The following GAS7 variants were observed in gnomAD, a reference collection of about 807,000 sequenced individuals.
The protein encoded by GAS7 is growth arrest-specific protein 7.
Under a neutral mutation model 71.1 loss-of-function variants are expected in GAS7, and 28 were observed. The ratio of observed to expected loss-of-function variants is 0.39; its 90% confidence interval spans 0.29 to 0.54. The LOEUF is 0.54. Among genes scored for constraint, GAS7 ranks in the 20% least tolerant of loss-of-function variants. The pLI, the probability that GAS7 is intolerant of heterozygous loss-of-function variation, is 0.62. For synonymous variants in GAS7, 258 were observed against 245.8 expected, an observed-to-expected ratio of 1.05 and a Z score of -0.46; for missense variants, 436 against 627.8, an observed-to-expected ratio of 0.69 and a Z score of 3.27.
chr17:10,127,262 T>G (rs2073958734), intron 1 of GAS7, among the ~76,000 whole-genome samples: 1 of 152,124 alleles, frequency 6.6e-6, no homozygotes, highest in African/African-American at 2.4e-5. Flanking sequence ...GAGCCCCTCC[T>G]CAGATGCAGC....
chr17:10,078,421 G>C (rs555351323), intron 1 of GAS7, among the ~76,000 whole-genome samples: 12 of 152,280 alleles, frequency 7.9e-5, no homozygotes, highest in East Asian at 1.9e-4. Flanking sequence ...CTAGTGAAGA[G>C]AGAAGAATTG....
chr17:10,089,354 CT>C (rs1451919148), intron 1 of GAS7, among the ~76,000 whole-genome samples: 6 of 152,090 alleles, frequency 3.9e-5, no homozygotes, highest in African/African-American at 1.4e-4. Flanking sequence ...GCCCGCAAAT[CT>C]GGCATGGAGC....
intron 6 of GAS7, among the ~76,000 whole-genome samples, chr17:9,944,720 G>A (rs1479828544): frequency 6.6e-6 from 1 of 152,134 alleles, no homozygotes; most frequent in Non-Finnish European, 1.5e-5. Flanking sequence ...GTCACAGTCG[G>A]GCTGTTCTTG....
Position 9,911,686 on chromosome 17 carries a change from A to C in GAS7, c.*5542T>G, listed in dbSNP as rs150357823. On this transcript the variant is annotated 3_prime_UTR_variant, in exon 14 of 14. Coordinates refer to ENST00000432992, the MANE Select transcript of GAS7 (RefSeq NM_201433.2). This position sits in a 1 kb window ranked among gnomAD's most constrained non-coding sequence, Gnocchi z 4.0. ...GGGGGAGACAAGAGTCCTCCCCGGCAAATTTCAACCCAGCAGAGTCCTGGC... is the reference window on the plus strand; with the variant it reads ...GGGGGAGACAAGAGTCCTCCCCGGCCAATTTCAACCCAGCAGAGTCCTGGC... 273 of 232,740 alleles carry C rather than the reference A, an allele frequency of 1.2e-3. No individual in the cohort carries two copies. Among genetic ancestry groups the C allele is most frequent in the Non-Finnish European group, 1.9e-3 (225 of 117,696 alleles). The allele number at this position is 232,740 out of a possible 1,614,324, so 14.4% of individuals were successfully genotyped here.
chr17:10,064,238 G>C (rs568247217), intron 1 of GAS7, among the ~76,000 whole-genome samples: 28 of 152,260 alleles, frequency 1.8e-4, no homozygotes, highest in Non-Finnish European at 2.9e-4. Context: ...CTTTTCACAC[G>C]TGGGAGTCTC....
chr17:10,084,100 G>T (rs2073487992), intron 1 of GAS7, among the ~76,000 whole-genome samples: 1 of 152,256 alleles, frequency 6.6e-6, no homozygotes, highest in East Asian at 1.9e-4. Context: ...CCTGGGTGGT[G>T]GAATTTGCAG....
chr17:9,990,303 C>T (rs180949241), intron 2 of GAS7, among the ~76,000 whole-genome samples: 60 of 152,254 alleles, frequency 3.9e-4, no homozygotes, highest in African/African-American at 1.4e-3. Flanking sequence ...GCTCGCCCTA[C>T]GGATGCTGGC....
intron 1 of GAS7, among the ~76,000 whole-genome samples, chr17:10,047,394 C>A (rs1567567733): frequency 6.6e-6 from 1 of 152,176 alleles, no homozygotes; most frequent in Non-Finnish European, 1.5e-5. Context: ...ACCCTACAGG[C>A]AGGTAGCTGT....
chr17:9,932,610 G>A (rs1009978637), intron 9 of GAS7, among the ~76,000 whole-genome samples: 31 of 152,132 alleles, frequency 2.0e-4, no homozygotes, highest in African/African-American at 7.0e-4. Flanking sequence ...GCTGAGAGTC[G>A]GAGAGAAAAC....
intron 1 of GAS7, among the ~76,000 whole-genome samples, chr17:10,126,320 ACACACACACGCT>A (rs1464181801): frequency 1.6e-5 from 2 of 125,832 alleles, no homozygotes; most frequent in Non-Finnish European, 3.6e-5. Flanking sequence ...TGTGCATGCC[ACACACACACGCT>A]CACACACACA....
intron 1 of GAS7, among the ~76,000 whole-genome samples, chr17:10,179,811 G>A (rs2074400439): frequency 6.6e-6 from 1 of 152,158 alleles, no homozygotes; most frequent in African/African-American, 2.4e-5. Context: ...CCAAAATGGT[G>A]ACCAGGAGGT....
rs556371910 is a variant in GAS7, at chr17:9,981,196, G to GA, written c.385+607dup. On this transcript the variant is annotated intron_variant, in intron 3 of 13. Coordinates refer to ENST00000432992, the MANE Select transcript of GAS7 (RefSeq NM_201433.2). This position sits in a 1 kb window ranked among gnomAD's most constrained non-coding sequence, Gnocchi z 4.4. The stretch of plus-strand genomic sequence containing the variant: ...AATCGCAGCTACTCGGGAGGCTGGG[G>GA]AACAAGAATCCATTGAACCCAGAAG... 2.3e-3 allele frequency among the ~76,000 whole-genome samples: 340 copies of GA among 149,310 alleles called. 1 individual carries two copies. The highest frequency in any genetic ancestry group is 8.0e-3 in the African/African-American group (329 of 40,972).
chr17:10,078,729 G>A (rs1165771192), intron 1 of GAS7, among the ~76,000 whole-genome samples: 1 of 152,058 alleles, frequency 6.6e-6, no homozygotes, highest in Non-Finnish European at 1.5e-5. Context: ...GGTAGGTAGG[G>A]GGATATACAA....
chr17:10,065,946 G>T (rs1467693625), intron 1 of GAS7, among the ~76,000 whole-genome samples: 1 of 152,206 alleles, frequency 6.6e-6, no homozygotes, highest in Non-Finnish European at 1.5e-5. Flanking sequence ...GAGTGCCAGG[G>T]AGGTTCAGCA....
intron 1 of GAS7, among the ~76,000 whole-genome samples, chr17:10,095,111 G>A (rs1047299418): frequency 1.3e-5 from 2 of 152,126 alleles, no homozygotes. Flanking sequence ...CTCACGCATT[G>A]ACAATGATAA....
At chr17:10,171,099 C>G (rs1036565937) in intron 1 of GAS7, among the ~76,000 whole-genome samples, 3 of 152,246 alleles carry the variant, frequency 2.0e-5, no homozygotes, top group Non-Finnish European at 4.4e-5. Context: ...CAGGATCCCT[C>G]AAGCTCTGAG....
intron 9 of GAS7, among the ~76,000 whole-genome samples, chr17:9,933,160 A>C (rs544904837): frequency 1.3e-5 from 2 of 152,354 alleles, no homozygotes; most frequent in East Asian, 3.9e-4. Context: ...CGACAAAGCA[A>C]GACTCTGTCT....
chr17:10,116,842 G>C (rs992495277), intron 1 of GAS7, among the ~76,000 whole-genome samples: 2 of 151,944 alleles, frequency 1.3e-5, no homozygotes, highest in Non-Finnish European at 2.9e-5. Context: ...CAACAAGCCA[G>C]ACAGACAGGT....
chr17:9,948,184 G>A (rs2068866366), intron 5 of GAS7, among the ~76,000 whole-genome samples: 1 of 152,214 alleles, frequency 6.6e-6, no homozygotes, highest in Admixed American at 6.5e-5. Flanking sequence ...GACTATGGGT[G>A]AGGAGGGGGC....
Sources: gnomAD v4.1 joint callset for allele counts (sites outside exome capture counted in the v4.1 genomes callset) on GRCh38, gnomAD v4.1.1 for gene constraint, Gnocchi (gnomAD v3.1) non-coding constraint, MANE v1.5 for transcripts, NCBI Gene and HGNC (gene_info 2026-07-23, HGNC 2026-07-21) for gene names.